MSANTD4: variants seen among roughly 807,000 people sequenced by gnomAD.
The protein encoded by MSANTD4 is myb/SANT-like DNA-binding domain-containing protein 4.
In MSANTD4, 13 loss-of-function variants were observed where a neutral mutation model predicts 34.3. The observed-to-expected ratio is 0.38, with a 90% CI of 0.25 to 0.60. MSANTD4 has a LOEUF of 0.60. MSANTD4 is among the 20% of genes least tolerant of loss of function. The pLI is 0.63. For synonymous variants in MSANTD4, 137 were observed against 145.2 expected (o/e 0.94, Z 0.41); for missense variants, 358 against 401.8 (o/e 0.89, Z 0.93).
rs776577061 is a variant in MSANTD4, at chr11:106,009,505, A to T, written c.*30T>A. The T allele has an allele frequency of 4.0e-5, 62 of 1,556,374 alleles. No homozygotes were observed. Among genetic ancestry groups the T allele is most frequent in the Non-Finnish European group, 5.1e-5 (59 of 1,153,572 alleles). ...GATATGAGAAAAATCTAGAGTTTTC[A>T]AACATTTGCTAAATGGAAGCCTGGA... On this transcript the variant is annotated 3_prime_UTR_variant, in exon 3 of 3. Transcript: ENST00000301919.
intron 1 of MSANTD4, among the ~76,000 whole-genome samples, chr11:106,020,186 A>G (rs957548027): frequency 7.2e-5 from 11 of 152,242 alleles, no homozygotes; most frequent in Non-Finnish European, 1.5e-4. Flanking sequence ...GATGGGATCA[A>G]GGAATGTTTT....
rs1859674820 is a variant in MSANTD4, at chr11:106,010,971, T to C, written c.-54A>G. ...AGAGATGTGAAAACAATTTGAGGAA[T>C]GCTGCAAAGCACAAAAACCAGGGAT... On this transcript the variant is annotated 5_prime_UTR_variant, in exon 2 of 3. Transcript: ENST00000301919. The C allele has an allele frequency of 6.6e-7, 1 of 1,510,728 alleles. No homozygotes were observed. Among genetic ancestry groups the C allele is most frequent in the Non-Finnish European group, 8.8e-7 (1 of 1,133,996 alleles). The allele number at this position is 1,510,728 out of a possible 1,614,324, so 93.6% of individuals were successfully genotyped here.
chr11:106,009,471 A>G lies in MSANTD4; in HGVS notation c.*64T>C, dbSNP rs958633743. The G allele has an allele frequency of 7.6e-6, 11 of 1,442,652 alleles. No individual in the cohort carries two copies. The African/African-American group carries it at 1.1e-4, about 15-fold the overall frequency. 89.4% of individuals were successfully genotyped at this position (1,442,652 alleles called of 1,614,324 possible). A position where few individuals can be genotyped will look rare whatever the true frequency, so the allele number is the denominator to read the frequency against. ...CACAGCTAATCCAGCAACCATCATT[A>G]TATCACCTGATATGAGAAAAATCTA... On this transcript the variant is annotated 3_prime_UTR_variant, in exon 3 of 3. Coordinates refer to ENST00000301919, the MANE Select transcript of MSANTD4 (RefSeq NM_032424.3).
rs374164716 is a variant in MSANTD4 at position 106,010,472 on chromosome 11, T to A, written c.446A>T (p.Asp149Val). ...TEVKVEEEER[D>V]PQSPEFEIEE... ...AATACTTACTTCAGGACTCTGCGGATCCCTTTCTTCCTCTTCCACCTTGAC... is the reference window on the plus strand; with the variant it reads ...AATACTTACTTCAGGACTCTGCGGAACCCTTTCTTCCTCTTCCACCTTGAC... Residue 149 changes from aspartate (D) to valine (V), a missense_variant, in exon 2 of 3, where the codon GAT becomes GTT. Physicochemically the swap from Asp to Val is radical, Grantham distance 152 (BLOSUM62 -3). Coordinates refer to ENST00000301919, the MANE Select transcript of MSANTD4 (RefSeq NM_032424.3). 15 of 1,613,412 alleles carry A rather than the reference T, an allele frequency of 9.3e-6. No homozygotes were observed. The highest frequency in any genetic ancestry group is 1.2e-5 in the Non-Finnish European group (14 of 1,179,660).
In MSANTD4 at chr11:106,010,826, A is replaced by C; in HGVS notation, c.92T>G (p.Ile31Ser). Residue 31 changes from isoleucine (I) to serine (S), a missense_variant, in exon 2 of 3, where the codon ATT becomes AGT. Around this residue, in one of 2 missense-constraint regions of MSANTD4, gnomAD observed 46 missense variants for 84.3 expected, o/e 0.55. Coordinates refer to ENST00000301919, the MANE Select transcript of MSANTD4 (RefSeq NM_032424.3). ...TGTTGTATTGAGCTGCTTGGAAAAAATGACTTCTTTCCTTTTCGTAATTTC... is the reference window on the plus strand; with the variant it reads ...TGTTGTATTGAGCTGCTTGGAAAAACTGACTTCTTTCCTTTTCGTAATTTC... ...LKEITKRKEV[I>S]FSKQLNTTIN... is the part of the protein sequence containing the mutation. 6.2e-7 allele frequency: 1 copy of C among 1,614,192 alleles called. No homozygotes were observed. Among genetic ancestry groups the C allele is most frequent in the Non-Finnish European group, 8.5e-7 (1 of 1,180,030 alleles).
In MSANTD4 at chr11:106,010,607, T is replaced by C. The variant is rs1251900010; in HGVS notation, c.311A>G (p.Asp104Gly). The C allele has an allele frequency of 6.2e-7, 1 of 1,614,178 alleles. No individual in the cohort carries two copies. The highest frequency in any genetic ancestry group is 2.2e-5 in the East Asian group (1 of 44,876). The change falls in exon 2 of 3, where the codon GAT (aspartate) becomes GGT (glycine). Residue 104 changes from aspartate (D) to glycine (G), a missense_variant. Transcript: ENST00000301919. The part of the protein sequence containing the change: ...SGFPLPSSDL[D>G]DSLTEEIDEK... ...ATCTATCTCTTCAGTGAGAGAGTCA[T>C]CCAAATCAGAGGAGGGAAGGGGAAA... is the stretch of plus-strand genomic sequence containing the variant.
Position 106,007,950 on chromosome 11 carries a change from G to A in MSANTD4, c.*1585C>T. The A allele has an allele frequency of 6.6e-6, 1 of 152,580 alleles. No homozygotes were observed. The highest frequency in any genetic ancestry group is 1.9e-4 in the East Asian group (1 of 5,190). 9.5% of individuals were successfully genotyped at this position (152,580 alleles called of 1,614,324 possible). A position where few individuals can be genotyped will look rare whatever the true frequency, so the allele number is the denominator to read the frequency against. ...TTCTATGGTAGAAGCATTTATTTCAGATATAGAAAAATAACACTATTTCAA... is the reference window on the plus strand; with the variant it reads ...TTCTATGGTAGAAGCATTTATTTCAAATATAGAAAAATAACACTATTTCAA... On this transcript the variant is annotated 3_prime_UTR_variant, in exon 3 of 3. Coordinates refer to ENST00000301919, the MANE Select transcript of MSANTD4 (RefSeq NM_032424.3).
At chr11:106,016,151 C>G (rs1288342901) in intron 1 of MSANTD4, among the ~76,000 whole-genome samples, 1 of 152,214 alleles carries the variant, frequency 6.6e-6, no homozygotes, top group Non-Finnish European at 1.5e-5. Context: ...AGCCACCATG[C>G]TGAGCCTAGA....
intron 1 of MSANTD4, among the ~76,000 whole-genome samples, chr11:106,012,865 C>T (rs1044495402): frequency 1.1e-4 from 17 of 152,118 alleles, no homozygotes; most frequent in Non-Finnish European, 1.0e-4. Context: ...TAAAGCACAT[C>T]CACAATCCTC....
upstream of MSANTD4, chr11:106,022,253 T>G (rs1389767938): frequency 1.3e-5 from 2 of 152,456 alleles, no homozygotes; most frequent in Non-Finnish European, 2.9e-5. Context: ...AAAAAGATGC[T>G]TCATTGATCC....
rs1215430538 is a variant in MSANTD4, at chr11:106,010,001, G to C, written c.572C>G (p.Ser191Ter). 2 of 1,607,226 alleles carry C rather than the reference G, an allele frequency of 1.2e-6. No homozygotes were observed. The highest frequency in any genetic ancestry group is 2.7e-5 in the African/African-American group (2 of 74,608). ...ATCATATGCAGATCTAGATGGTGTT[G>C]AGTTAAGGGTAAAAAACTCATCAAT... Reference protein sequence around the residue: ...PHIDEFFTLNSTPSRSAYDEP... With the variant: ...PHIDEFFTLN The change falls in exon 3 of 3, where the codon TCA becomes TGA. Residue 191 changes from serine to a stop codon, truncating the protein, a stop_gained. Transcript: ENST00000301919. LOFTEE classifies it high-confidence loss of function.
At chr11:106,017,582 T>G (rs1430668509) in intron 1 of MSANTD4, among the ~76,000 whole-genome samples, 1 of 152,184 alleles carries the variant, frequency 6.6e-6, no homozygotes, top group East Asian at 1.9e-4. Context: ...CTACCACCAA[T>G]GTAACTACTA....
chr11:106,017,805 T>C (rs1204161668), intron 1 of MSANTD4, among the ~76,000 whole-genome samples: 2 of 152,004 alleles, frequency 1.3e-5, no homozygotes, highest in East Asian at 1.9e-4. Flanking sequence ...AAATGACAAA[T>C]GAAGAGCCGA....
intron 2 of MSANTD4, 26 bp from the exon 3 acceptor site, chr11:106,010,136 T>C (rs754456135): frequency 1.3e-4 from 195 of 1,522,952 alleles, no homozygotes; most frequent in Non-Finnish European, 1.5e-4. Context: ...AAAGCAATTT[T>C]CAGTATTGAC....
In MSANTD4 at chr11:106,021,711, G is replaced by A. The variant is rs930974080; in HGVS notation, c.-900C>T. The A allele has an allele frequency of 3.9e-5, 6 of 152,108 alleles. No individual in the cohort carries two copies. The highest frequency in any genetic ancestry group is 1.5e-4 in the African/African-American group (6 of 41,376). The allele number at this position is 152,108 out of a possible 1,614,324, so 9.4% of individuals were successfully genotyped here. ...ATAACAAGTATACTTATGGGTCGAC[G>A]GTTATCAAAGTATCTTTCACCTCCC... On this transcript the variant is annotated 5_prime_UTR_variant, in exon 1 of 3. Transcript: ENST00000301919.
chr11:106,012,440 G>A (rs1210774317), intron 1 of MSANTD4, among the ~76,000 whole-genome samples: 1 of 152,180 alleles, frequency 6.6e-6, no homozygotes, highest in East Asian at 1.9e-4. Context: ...TTTAATTGTA[G>A]AGTTGAAGAG....
At chr11:106,010,255 G>A (rs1461277682) in intron 2 of MSANTD4, 145 bp from the exon 3 acceptor site, 1 of 1,115,060 alleles carries the variant, frequency 9.0e-7, no homozygotes, top group Non-Finnish European at 1.2e-6. Context: ...ATTACTTGAT[G>A]TCTGTAATAC....
intron 2 of MSANTD4, 94 bp downstream of exon 2, chr11:106,010,362 T>C: frequency 2.0e-6 from 3 of 1,494,386 alleles, no homozygotes; most frequent in Non-Finnish European, 2.7e-6. Context: ...TTAAATAAGC[T>C]TGAAAATCTT....
chr11:106,021,359 T>C lies in MSANTD4; in HGVS notation c.-548A>G, dbSNP rs1860027539. 6.6e-6 allele frequency: 1 copy of C among 152,326 alleles called. No homozygotes were observed. Among genetic ancestry groups the C allele is most frequent in the Admixed American group, 6.5e-5 (1 of 15,304 alleles). 9.4% of individuals were successfully genotyped at this position (152,326 alleles called of 1,614,324 possible). ...AGGAATGAGATGTAGTTCACTTACG[T>C]AATCCTTGTGAAGATGATGTACTGC... On this transcript the variant is annotated 5_prime_UTR_variant, in exon 1 of 3. Transcript: ENST00000301919.
Sources: allele counts gnomAD v4.1 joint callset (sites outside exome capture counted in the v4.1 genomes callset), GRCh38; gene constraint gnomAD v4.1.1; regional missense constraint gnomAD v4.1.1; transcripts MANE v1.5; gene names NCBI Gene and HGNC (gene_info 2026-07-23, HGNC 2026-07-21).